The following SOX5 variants were observed in gnomAD, a reference collection of about 807,000 sequenced individuals.
SOX5 encodes the protein transcription factor SOX-5.
A neutral mutation model predicts 92.0 loss-of-function variants in SOX5; 9 were observed. The observed-to-expected ratio is 0.10, with a 90% CI of 0.06 to 0.17. The LOEUF is 0.17. Among genes scored for constraint, SOX5 ranks in the 10% least tolerant of loss-of-function variants. The pLI, the probability that SOX5 is intolerant of heterozygous loss-of-function variation, is 1.00. For synonymous variants in SOX5, 344 were observed against 336.3 expected (o/e 1.02, Z -0.25); for missense variants, 642 against 944.5 (o/e 0.68, Z 4.20).
chr12:24,244,078 A>T (rs563564085), intron 3 of SOX5, among the ~76,000 whole-genome samples: 2 of 151,450 alleles, frequency 1.3e-5, no homozygotes, highest in East Asian at 3.9e-4. Context: ...AAAAGGTTGG[A>T]CATTTTACAC....
intron 4 of SOX5, among the ~76,000 whole-genome samples, chr12:24,037,057 T>G (rs1956111873): frequency 6.6e-6 from 1 of 151,704 alleles, no homozygotes. Context: ...ATTCACACCC[T>G]CCAAATGAAC....
chr12:23,730,766 C>T (rs1201616142), intron 6 of SOX5, among the ~76,000 whole-genome samples: 1 of 152,098 alleles, frequency 6.6e-6, no homozygotes, highest in Non-Finnish European at 1.5e-5. Context: ...GTAGGTTTAC[C>T]ATACAGCTAA....
intron 8 of SOX5, among the ~76,000 whole-genome samples, chr12:23,620,588 T>C (rs2077053493): frequency 6.6e-6 from 1 of 152,074 alleles, no homozygotes; most frequent in African/African-American, 2.4e-5. Flanking sequence ...CCAACCTCGA[T>C]TTTTCTAGAC....
chr12:23,677,478 A>G (rs529051296), intron 6 of SOX5, among the ~76,000 whole-genome samples: 2 of 152,298 alleles, frequency 1.3e-5, no homozygotes, highest in Admixed American at 1.3e-4. Flanking sequence ...TACCAGGACA[A>G]TATAAAGTAA....
chr12:23,809,996 G>C (rs1268700509), intron 3 of SOX5, among the ~76,000 whole-genome samples: 1 of 152,064 alleles, frequency 6.6e-6, no homozygotes, highest in African/African-American at 2.4e-5. Context: ...TGGTTTGAAA[G>C]TATAGAGTTA....
intron 3 of SOX5, among the ~76,000 whole-genome samples, chr12:23,809,189 G>A (rs908743251): frequency 2.6e-5 from 4 of 152,078 alleles, no homozygotes; most frequent in African/African-American, 9.7e-5. Context: ...AACATCTCTG[G>A]AGATATCCAG....
chr12:24,397,312 G>A (rs940540620), intron 1 of SOX5, among the ~76,000 whole-genome samples: 1 of 151,830 alleles, frequency 6.6e-6, no homozygotes, highest in African/African-American at 2.4e-5. Flanking sequence ...TGAAAGACTC[G>A]TGACAGTTTT....
At chr12:24,314,485 T>C (rs1949513273) in intron 2 of SOX5, among the ~76,000 whole-genome samples, 1 of 151,952 alleles carries the variant, frequency 6.6e-6, no homozygotes, top group East Asian at 1.9e-4. Flanking sequence ...CTGCACGTTA[T>C]GCACATGTAC....
intron 3 of SOX5, among the ~76,000 whole-genome samples, chr12:24,252,317 T>C (rs992857754): frequency 6.6e-6 from 1 of 152,228 alleles, no homozygotes; most frequent in African/African-American, 2.4e-5. Flanking sequence ...ATTTTACCTC[T>C]AGTATTTAAG....
At chr12:23,824,787 A>G (rs1230423425) in intron 3 of SOX5, among the ~76,000 whole-genome samples, 1 of 152,188 alleles carries the variant, frequency 6.6e-6, no homozygotes, top group Non-Finnish European at 1.5e-5. Context: ...CGCCCTGCTC[A>G]GAGAGGAGGA....
At chr12:23,570,933 AT>A (rs1948214846) in intron 10 of SOX5, among the ~76,000 whole-genome samples, 3 of 8,222 alleles carry the variant, frequency 3.6e-4, no homozygotes, top group African/African-American at 9.6e-4. Flanking sequence ...AAAAAAAAAT[AT>A]ATATATATAT....
intron 1 of SOX5, among the ~76,000 whole-genome samples, chr12:24,384,679 A>G (rs1958191494): frequency 6.6e-6 from 1 of 152,234 alleles, no homozygotes; most frequent in Non-Finnish European, 1.5e-5. Flanking sequence ...TTATGGCTAC[A>G]GTGCATGATA....
chr12:24,314,665 A>C (rs1949537234), intron 2 of SOX5, among the ~76,000 whole-genome samples: 1 of 152,174 alleles, frequency 6.6e-6, no homozygotes, highest in African/African-American at 2.4e-5. Flanking sequence ...TGCGGCCTAA[A>C]TAATCTGGCC....
chr12:24,230,228 G>C (rs1032638584), intron 3 of SOX5, among the ~76,000 whole-genome samples: 1 of 152,080 alleles, frequency 6.6e-6, no homozygotes, highest in Admixed American at 6.6e-5. Context: ...CTCCCACAGA[G>C]AAGATGAAAT....
intron 1 of SOX5, among the ~76,000 whole-genome samples, chr12:24,396,716 G>A (rs888093073): frequency 6.6e-6 from 1 of 152,196 alleles, no homozygotes; most frequent in Admixed American, 6.5e-5. Flanking sequence ...CACCCAAAAT[G>A]GATGTGTTAA....
At chr12:23,743,543 C>T (rs1184628027) in intron 4 of SOX5, among the ~76,000 whole-genome samples, 1 of 152,072 alleles carries the variant, frequency 6.6e-6, no homozygotes, top group African/African-American at 2.4e-5. Context: ...AACTCCTGTC[C>T]TCGTGATCCT....
chr12:23,561,163 A>C (rs1473018383), intron 11 of SOX5, among the ~76,000 whole-genome samples: 2 of 152,218 alleles, frequency 1.3e-5, no homozygotes, highest in Non-Finnish European at 2.9e-5. Flanking sequence ...TATTTCAAAA[A>C]TGGATTTTTT....
chr12:24,417,812 C>A (rs113824096), intron 1 of SOX5, among the ~76,000 whole-genome samples: 1,903 of 152,236 alleles, frequency 0.013, 24 homozygotes, highest in Non-Finnish European at 0.019. Flanking sequence ...AGGACACTCT[C>A]TGACCTGGAA....
chr12:24,352,236 A>T (rs376310070), intron 2 of SOX5, among the ~76,000 whole-genome samples: 1 of 152,344 alleles, frequency 6.6e-6, no homozygotes, highest in Admixed American at 6.5e-5. Context: ...GACTAGCTAC[A>T]TGGGAAAGTG....
Sources: allele counts gnomAD v4.1 joint callset (sites outside exome capture counted in the v4.1 genomes callset), GRCh38; gene constraint gnomAD v4.1.1; transcripts MANE v1.5; gene names NCBI Gene and HGNC (gene_info 2026-07-23, HGNC 2026-07-21).